Variants in PTPRT observed in about 807,000 individuals in gnomAD.
PTPRT encodes protein tyrosine phosphatase receptor type T.
In PTPRT, 56 loss-of-function variants were observed where a neutral mutation model predicts 176.8. The observed-to-expected ratio is 0.32, with a 90% CI of 0.26 to 0.40. The LOEUF is 0.40. Among genes scored for constraint, PTPRT ranks in the 10% least tolerant of loss-of-function variants. The probability of loss-of-function intolerance (pLI) is 1.00; values close to 1 mark genes in which losing one functional copy is unlikely to be tolerated. For missense variants in PTPRT, 1,540 were observed against 1,908.2 expected, an observed-to-expected ratio of 0.81 and a Z score of 3.60; for synonymous variants, 783 against 739.0, an observed-to-expected ratio of 1.06 and a Z score of -0.96.
intron 7 of PTPRT, among the ~76,000 whole-genome samples, chr20:42,600,330 G>T (rs528966787): frequency 6.6e-6 from 1 of 152,236 alleles, no homozygotes; most frequent in South Asian, 2.1e-4. Context: ...AGTAGAGACG[G>T]GGTTTCACCG....
chr20:42,919,548 C>A (rs1241515584), intron 1 of PTPRT, among the ~76,000 whole-genome samples: 1 of 151,330 alleles, frequency 6.6e-6, no homozygotes, highest in Admixed American at 6.6e-5. Context: ...GTGATTCCGA[C>A]CTGGCAAGCA....
At chr20:42,895,566 T>C (rs1200478100) in intron 1 of PTPRT, among the ~76,000 whole-genome samples, 4 of 152,160 alleles carry the variant, frequency 2.6e-5, no homozygotes, top group African/African-American at 9.7e-5. Flanking sequence ...TTGGGGGCTG[T>C]CTTAGAATCC....
At chr20:42,606,075 G>C (rs1320144805) in intron 7 of PTPRT, among the ~76,000 whole-genome samples, 1 of 152,184 alleles carries the variant, frequency 6.6e-6, no homozygotes, top group South Asian at 2.1e-4. Context: ...AGTGATTCTT[G>C]TGCACGATGT....
At chr20:42,514,795 A>T (rs901231117) in intron 7 of PTPRT, among the ~76,000 whole-genome samples, 1 of 152,208 alleles carries the variant, frequency 6.6e-6, no homozygotes, top group African/African-American at 2.4e-5. Flanking sequence ...TGGAAAATCA[A>T]TTATTCTATC....
At chr20:42,686,455 CTCTTTTTTTTTTTTTTTTT>C (rs2075693209) in intron 6 of PTPRT, 1 of 116,700 alleles carries the variant, frequency 8.6e-6, no homozygotes, top group Admixed American at 1.1e-4. Flanking sequence ...TCATAGTGCA[CTCTTTTTTTTTTTTTTTTT>C]TTTTTTTTTT....
chr20:42,496,977 T>C (rs1335725185), intron 7 of PTPRT, among the ~76,000 whole-genome samples: 1 of 152,116 alleles, frequency 6.6e-6, no homozygotes, highest in South Asian at 2.1e-4. Flanking sequence ...GTTCAACTCA[T>C]TGGGTTCTAG....
At chr20:42,654,019 AG>A (rs1217826177) in intron 7 of PTPRT, among the ~76,000 whole-genome samples, 1 of 152,178 alleles carries the variant, frequency 6.6e-6, no homozygotes, top group East Asian at 1.9e-4. Context: ...AAGTAAAATA[AG>A]GAAAAAGGGC....
At chr20:42,235,095 A>G (rs2056213865) in intron 15 of PTPRT, among the ~76,000 whole-genome samples, 1 of 152,056 alleles carries the variant, frequency 6.6e-6, no homozygotes. Flanking sequence ...ATCTCTTTCT[A>G]AGGTCCCTAC....
intron 7 of PTPRT, among the ~76,000 whole-genome samples, chr20:42,575,792 C>T (rs1007725726): frequency 6.6e-6 from 1 of 152,078 alleles, no homozygotes; most frequent in Non-Finnish European, 1.5e-5. Flanking sequence ...ATCTCCTGAA[C>T]CTGCCCACTT....
At chr20:42,473,850 C>G (rs2071241482) in intron 7 of PTPRT, among the ~76,000 whole-genome samples, 1 of 152,110 alleles carries the variant, frequency 6.6e-6, no homozygotes, top group Non-Finnish European at 1.5e-5. Flanking sequence ...TTGTGTCAGA[C>G]TTTCTTATCT....
chr20:42,412,735 A>G (rs934648507), intron 9 of PTPRT, among the ~76,000 whole-genome samples: 6 of 152,340 alleles, frequency 3.9e-5, no homozygotes, highest in Non-Finnish European at 8.8e-5. Flanking sequence ...GTACTAATAC[A>G]TGCAGTAGCG....
the PTPRT span, among the ~76,000 whole-genome samples, chr20:42,064,121 TG>T: frequency 1.1e-4 from 17 of 151,936 alleles, no homozygotes; most frequent in African/African-American, 4.1e-4. Flanking sequence ...TCCCAATATC[TG>T]GTGTGACAAG....
chr20:43,018,982 A>G (rs1985509733), intron 1 of PTPRT, among the ~76,000 whole-genome samples: 1 of 152,242 alleles, frequency 6.6e-6, no homozygotes, highest in South Asian at 2.1e-4. Flanking sequence ...ACTCTTCAAA[A>G]TTTATCTTAC....
chr20:42,171,772 T>C (rs1438467996), intron 16 of PTPRT, among the ~76,000 whole-genome samples: 1 of 152,024 alleles, frequency 6.6e-6, no homozygotes, highest in Non-Finnish European at 1.5e-5. Flanking sequence ...AACATAGAAA[T>C]CAACATTAAA....
chr20:42,252,121 G>A (rs1460437570), intron 13 of PTPRT, among the ~76,000 whole-genome samples: 1 of 152,188 alleles, frequency 6.6e-6, no homozygotes, highest in African/African-American at 2.4e-5. Context: ...TGGATATGGG[G>A]AATAAAGGAG....
At chr20:43,161,354 G>C (rs1358647874) in intron 1 of PTPRT, among the ~76,000 whole-genome samples, 2 of 151,916 alleles carry the variant, frequency 1.3e-5, no homozygotes, top group East Asian at 3.9e-4. Context: ...ACATGAAGGA[G>C]AAAGAGCTCT....
chr20:42,105,366 A>G (rs1350562497), intron 24 of PTPRT, among the ~76,000 whole-genome samples: 1 of 152,112 alleles, frequency 6.6e-6, no homozygotes, highest in African/African-American at 2.4e-5. Flanking sequence ...TTGTCTCACG[A>G]TCTGCTCCCA....
intron 9 of PTPRT, among the ~76,000 whole-genome samples, chr20:42,376,194 G>A (rs1382216592): frequency 6.6e-6 from 1 of 152,154 alleles, no homozygotes; most frequent in African/African-American, 2.4e-5. Context: ...CACCCTGCAG[G>A]GGAGAAATAG....
At chr20:42,427,509 C>A (rs552517696) in intron 9 of PTPRT, among the ~76,000 whole-genome samples, 1 of 151,794 alleles carries the variant, frequency 6.6e-6, no homozygotes, top group South Asian at 2.1e-4. Flanking sequence ...TCATCGATGG[C>A]GCCTTCTAGC....
Sources: gnomAD v4.1 joint callset for allele counts (sites outside exome capture counted in the v4.1 genomes callset) on GRCh38, gnomAD v4.1.1 for gene constraint, MANE v1.5 for transcripts, NCBI Gene and HGNC (gene_info 2026-07-23, HGNC 2026-07-21) for gene names.